Variants in KIF5C observed in about 807,000 individuals in gnomAD.
KIF5C encodes the protein kinesin family member 5C.
Under a neutral mutation model 125.2 loss-of-function variants are expected in KIF5C, and 18 were observed. That is an observed-to-expected ratio of 0.14 (90% CI 0.10 to 0.21). The LOEUF (loss-of-function observed/expected upper bound fraction) is 0.21. KIF5C is among the 10% of genes least tolerant of loss of function. KIF5C has a pLI of 1.00. For synonymous variants in KIF5C, 405 were observed against 434.0 expected (o/e 0.93, Z 0.83); for missense variants, 780 against 1,183.8 (o/e 0.66, Z 5.01).
intron 8 of KIF5C, among the ~76,000 whole-genome samples, chr2:148,948,227 G>T (rs1316957801): frequency 6.6e-6 from 1 of 151,736 alleles, no homozygotes; most frequent in Admixed American, 6.6e-5. Context: ...CATGGTGGCG[G>T]GCACCTGTAG....
At chr2:148,936,625 A>G (rs1005266258) in intron 3 of KIF5C, among the ~76,000 whole-genome samples, 3 of 152,230 alleles carry the variant, frequency 2.0e-5, no homozygotes, top group African/African-American at 4.8e-5. Context: ...CTTAGGTGAA[A>G]TGAGTAAAGT....
intron 10 of KIF5C, among the ~76,000 whole-genome samples, chr2:148,958,957 C>A (rs1468472114): frequency 6.6e-6 from 1 of 151,870 alleles, no homozygotes; most frequent in Non-Finnish European, 1.5e-5. Flanking sequence ...GCACTCCAGC[C>A]TGGGCAACAG....
intron 1 of KIF5C, among the ~76,000 whole-genome samples, chr2:148,901,223 G>A (rs954522975): frequency 4.6e-5 from 7 of 152,154 alleles, no homozygotes; most frequent in Non-Finnish European, 1.0e-4. Context: ...ACTGATATAT[G>A]GAAAAGTCTT....
chr2:148,993,107 C>T (rs1008455009), intron 16 of KIF5C, among the ~76,000 whole-genome samples: 4 of 152,192 alleles, frequency 2.6e-5, no homozygotes, highest in African/African-American at 9.7e-5. Context: ...GCCTTCAGAC[C>T]TGGAGTAGGA....
intron 1 of KIF5C, among the ~76,000 whole-genome samples, chr2:148,882,961 C>T (rs1308822568): frequency 3.3e-5 from 5 of 152,248 alleles, no homozygotes; most frequent in Admixed American, 1.3e-4. Flanking sequence ...CAGTATAAGA[C>T]GTCTTTTGAA....
chr2:148,959,824 G>A (rs1165841528), intron 10 of KIF5C, among the ~76,000 whole-genome samples: 1 of 152,178 alleles, frequency 6.6e-6, no homozygotes, highest in Non-Finnish European at 1.5e-5. Flanking sequence ...CGTGAGGTCC[G>A]GGTATTTATT....
intron 19 of KIF5C, chr2:148,998,748 C>T: frequency 1.8e-6 from 1 of 553,996 alleles, no homozygotes; most frequent in Non-Finnish European, 3.1e-6. Context: ...CTCCTAGTCC[C>T]CGAGGGCCAG....
chr2:148,992,994 C>T (rs1294426179), intron 16 of KIF5C, among the ~76,000 whole-genome samples: 1 of 152,184 alleles, frequency 6.6e-6, no homozygotes, highest in Non-Finnish European at 1.5e-5. Flanking sequence ...GACATACCAG[C>T]TCCATGTCCA....
chr2:148,969,903 G>A (rs1011907368), intron 11 of KIF5C, among the ~76,000 whole-genome samples: 5 of 152,128 alleles, frequency 3.3e-5, no homozygotes, highest in Non-Finnish European at 4.4e-5. Context: ...TCATTTTCTC[G>A]GTCCTTTGAA....
intron 19 of KIF5C, among the ~76,000 whole-genome samples, chr2:148,999,048 G>A (rs1681769927): frequency 6.6e-6 from 1 of 152,130 alleles, no homozygotes; most frequent in Non-Finnish European, 1.5e-5. Flanking sequence ...GCAGGTAGAG[G>A]TGCCAGTGAC....
At chr2:148,899,567 G>A (rs1208562800) in intron 1 of KIF5C, among the ~76,000 whole-genome samples, 1 of 151,966 alleles carries the variant, frequency 6.6e-6, no homozygotes, top group Non-Finnish European at 1.5e-5. Context: ...GCCGGGCGTG[G>A]TGGTGGGCGC....
chr2:148,985,109 G>T (rs1343851165), intron 15 of KIF5C, among the ~76,000 whole-genome samples: 1 of 152,070 alleles, frequency 6.6e-6, no homozygotes, highest in Non-Finnish European at 1.5e-5. Flanking sequence ...GGCCATTGGT[G>T]CTGTTGACAG....
intron 10 of KIF5C, among the ~76,000 whole-genome samples, chr2:148,951,835 G>C (rs1682666244): frequency 6.6e-6 from 1 of 152,168 alleles, no homozygotes; most frequent in Admixed American, 6.5e-5. Flanking sequence ...TTTAAGATGA[G>C]AGAAAGGACA....
chr2:148,911,908 G>A (rs762132472), intron 1 of KIF5C, among the ~76,000 whole-genome samples: 9 of 152,130 alleles, frequency 5.9e-5, no homozygotes, highest in South Asian at 2.1e-4. Context: ...ACATTTGCCT[G>A]TGGTGCCATC....
At position 149,000,517 on chromosome 2, in the gene KIF5C, A is replaced by G. The variant is rs754154196; in HGVS notation, c.2305A>G (p.Lys769Glu). ...EDQEREMKLE[K>E]LLLLNDKREQ... ...CCAAGAGAGAGAAATGAAGCTGGAA[A>G]AGCTCTTGTGAGTGCACTCTAAATA... The change falls in exon 20 of 26, where the codon AAG (lysine) becomes GAG (glutamate). Residue 769 changes from lysine to glutamate, a missense_variant. Coordinates refer to ENST00000435030, the MANE Select transcript of KIF5C (RefSeq NM_004522.3). 12 of 1,564,310 alleles carry G rather than the reference A, an allele frequency of 7.7e-6. No homozygotes were observed. Among genetic ancestry groups the G allele is most frequent in the Non-Finnish European group, 1.0e-5 (12 of 1,146,830 alleles).
chr2:148,997,502 G>A, intron 18 of KIF5C, 162 bp downstream of exon 18: 1 of 1,335,304 alleles, frequency 7.5e-7, no homozygotes, highest in Non-Finnish European at 1.0e-6. Flanking sequence ...AGTATAGCCT[G>A]GCTTAGAAAT....
intron 4 of KIF5C, among the ~76,000 whole-genome samples, chr2:148,940,938 C>T (rs1282484675): frequency 6.6e-6 from 1 of 152,140 alleles, no homozygotes; most frequent in Non-Finnish European, 1.5e-5. Flanking sequence ...ATCTGGGATT[C>T]GGATTCAGCA....
At chr2:148,915,093 G>A (rs146652003) in intron 1 of KIF5C, among the ~76,000 whole-genome samples, 205 of 152,280 alleles carry the variant, frequency 1.3e-3, no homozygotes, top group African/African-American at 4.7e-3. Flanking sequence ...GTAGGTAATG[G>A]GGTAAAGAGG....
chr2:148,875,402 C>G lies in KIF5C; in HGVS notation c.-216C>G. 1.9e-6 allele frequency: 1 copy of G among 519,930 alleles called. No individual in the cohort carries two copies. The highest frequency in any genetic ancestry group is 3.4e-6 in the Non-Finnish European group (1 of 296,112). 32.2% of individuals were successfully genotyped at this position (519,930 alleles called of 1,614,324 possible). A position where few individuals can be genotyped will look rare whatever the true frequency, so the allele number is the denominator to read the frequency against. On this transcript the variant is annotated 5_prime_UTR_variant, in exon 1 of 26. Transcript: ENST00000435030. ...GGGCCAGGGCAGGCCGGTCTGCAGC[C>G]GGAGGGGCCGGAGCGGAGAAGCTGC...
Sources: gnomAD v4.1 joint callset for allele counts (sites outside exome capture counted in the v4.1 genomes callset) on GRCh38, gnomAD v4.1.1 for gene constraint, MANE v1.5 for transcripts, NCBI Gene and HGNC (gene_info 2026-07-23, HGNC 2026-07-21) for gene names.